CNTNAP5: variants seen among roughly 807,000 people sequenced by gnomAD.
CNTNAP5 encodes the protein contactin associated protein family member 5.
Under a neutral mutation model 150.2 loss-of-function variants are expected in CNTNAP5, and 72 were observed. The observed-to-expected ratio is 0.48, with a 90% CI of 0.40 to 0.58. The LOEUF (loss-of-function observed/expected upper bound fraction) is 0.58. CNTNAP5 is among the 20% of genes least tolerant of loss of function. CNTNAP5 has a pLI of 0.00. For missense variants in CNTNAP5, 1,636 were observed against 1,626.2 expected (o/e 1.01, Z -0.10); for synonymous variants, 672 against 619.8 (o/e 1.08, Z -1.25).
At chr2:124,372,583 T>A (rs1411782953) in intron 3 of CNTNAP5, among the ~76,000 whole-genome samples, 2 of 152,052 alleles carry the variant, frequency 1.3e-5, no homozygotes, top group African/African-American at 4.8e-5. Flanking sequence ...GACAACGAAG[T>A]GAATCAACCT....
At chr2:124,322,365 A>G (rs940710933) in intron 3 of CNTNAP5, among the ~76,000 whole-genome samples, 1 of 152,160 alleles carries the variant, frequency 6.6e-6, no homozygotes, top group African/African-American at 2.4e-5. Flanking sequence ...CAGCTCTGCC[A>G]GAAACCAGGC....
At chr2:124,522,756 C>G (rs1694877488) in intron 8 of CNTNAP5, among the ~76,000 whole-genome samples, 1 of 152,202 alleles carries the variant, frequency 6.6e-6, no homozygotes, top group Admixed American at 6.5e-5. Flanking sequence ...ATTGTCATCT[C>G]CTGCTTCTCA....
intron 8 of CNTNAP5, among the ~76,000 whole-genome samples, chr2:124,509,051 A>T (rs958272802): frequency 6.8e-6 from 1 of 146,306 alleles, no homozygotes; most frequent in Non-Finnish European, 1.6e-5. Context: ...GAATGCAGAT[A>T]ATCAAAGGTT....
chr2:124,660,971 A>G (rs931670065), intron 13 of CNTNAP5, among the ~76,000 whole-genome samples: 1 of 151,454 alleles, frequency 6.6e-6, no homozygotes, highest in African/African-American at 2.4e-5. Context: ...AAGAAAAAGA[A>G]AAAAAAATTT....
chr2:124,358,100 T>A (rs1690074257), intron 3 of CNTNAP5, among the ~76,000 whole-genome samples: 1 of 152,212 alleles, frequency 6.6e-6, no homozygotes, highest in African/African-American at 2.4e-5. Context: ...ATGGTTTGGC[T>A]CTCTGTCTGT....
At position 124,820,951 on chromosome 2, in the gene CNTNAP5, G is replaced by A. The variant is rs1682472871; in HGVS notation, c.3217+22631G>A. On this transcript the variant is annotated intron_variant, in intron 19 of 23. Transcript: ENST00000682447. ...TTCTATTTCTCAAGATAGAAGAAAA[G>A]AGTGAACAAACTTGTGGAAATATGC... Among the ~76,000 whole-genome samples the A allele has an allele frequency of 2.0e-5, 3 of 152,200 alleles. No homozygotes were observed. The South Asian group carries it at 6.2e-4, about 31-fold the overall frequency.
intron 10 of CNTNAP5, among the ~76,000 whole-genome samples, chr2:124,562,930 T>A (rs1695927981): frequency 6.6e-6 from 1 of 152,222 alleles, no homozygotes; most frequent in Non-Finnish European, 1.5e-5. Flanking sequence ...CACTTCAAAT[T>A]AACTTTAAGT....
Position 124,242,238 on chromosome 2 carries a change from C to T in CNTNAP5, c.226C>T (p.Gln76Ter). The T allele has an allele frequency of 1.2e-6, 2 of 1,600,744 alleles. No individual in the cohort carries two copies. Among genetic ancestry groups the T allele is most frequent in the Non-Finnish European group, 1.7e-6 (2 of 1,172,960 alleles). Residue 76 changes from glutamine to a stop codon, truncating the protein, a stop_gained, in exon 3 of 24, where the codon CAG (glutamine) becomes TAG (stop). Coordinates refer to ENST00000682447, the MANE Select transcript of CNTNAP5 (RefSeq NM_001367498.1). LOFTEE classifies it high-confidence loss of function. The stretch of plus-strand genomic sequence containing the variant: ...GTCCCCAGCAGATTCCAATGCTCAA[C>T]AGTGGCTCCAGATGGACCTGGGAAA... Reference protein sequence around the residue: ...GWSPADSNAQQWLQMDLGNRV... With the variant: ...GWSPADSNAQ
At chr2:124,582,178 C>T (rs974567314) in intron 11 of CNTNAP5, among the ~76,000 whole-genome samples, 1 of 152,024 alleles carries the variant, frequency 6.6e-6, no homozygotes, top group East Asian at 1.9e-4. Context: ...TTCTTTGGAT[C>T]GGAAGGCCTC....
intron 19 of CNTNAP5, among the ~76,000 whole-genome samples, chr2:124,821,717 C>T (rs1682495820): frequency 1.3e-5 from 2 of 152,158 alleles, no homozygotes; most frequent in Non-Finnish European, 2.9e-5. Context: ...ACAGTAGTAG[C>T]TCTCCAAGTG....
At chr2:124,423,984 A>T (rs933590135) in intron 4 of CNTNAP5, among the ~76,000 whole-genome samples, 1 of 152,188 alleles carries the variant, frequency 6.6e-6, no homozygotes, top group African/African-American at 2.4e-5. Context: ...ACTTTAAAAA[A>T]CATTATAAAT....
intron 11 of CNTNAP5, among the ~76,000 whole-genome samples, chr2:124,600,150 A>G (rs1264506599): frequency 6.6e-6 from 1 of 152,114 alleles, no homozygotes; most frequent in Non-Finnish European, 1.5e-5. Flanking sequence ...TGTGTGTTTA[A>G]CTTTGTTTCC....
chr2:124,317,205 G>A lies in CNTNAP5; in HGVS notation c.381+74812G>A, dbSNP rs549033389. On this transcript the variant is annotated intron_variant, in intron 3 of 23. Coordinates refer to ENST00000682447, the MANE Select transcript of CNTNAP5 (RefSeq NM_001367498.1). Reference sequence around the variant, plus strand: ...AGACTTACCTTTAGATTAAGTTCAGGTCAGATTTGACAACCCAATGAATTA... The same window carrying A: ...AGACTTACCTTTAGATTAAGTTCAGATCAGATTTGACAACCCAATGAATTA... Among the ~76,000 whole-genome samples, 12 of 152,148 alleles carry A rather than the reference G, an allele frequency of 7.9e-5. No individual in the cohort carries two copies. The South Asian group carries it at 2.3e-3, about 29-fold the overall frequency.
At chr2:124,305,311 C>T (rs1688661545) in intron 3 of CNTNAP5, among the ~76,000 whole-genome samples, 1 of 151,566 alleles carries the variant, frequency 6.6e-6, no homozygotes, top group Non-Finnish European at 1.5e-5. Flanking sequence ...GCAAATGGCA[C>T]CTAACCAGAA....
At chr2:124,618,553 T>C (rs944008351) in intron 12 of CNTNAP5, among the ~76,000 whole-genome samples, 3 of 152,296 alleles carry the variant, frequency 2.0e-5, no homozygotes, top group South Asian at 4.1e-4. Flanking sequence ...GTGACCACTT[T>C]GACCTCAGTC....
intron 1 of CNTNAP5, among the ~76,000 whole-genome samples, chr2:124,059,577 C>T (rs553800611): frequency 4.6e-5 from 7 of 152,008 alleles, no homozygotes; most frequent in African/African-American, 1.7e-4. Context: ...TTGTCATACA[C>T]GGCACATATT....
chr2:124,072,667 G>T (rs1484084142), intron 1 of CNTNAP5, among the ~76,000 whole-genome samples: 1 of 151,480 alleles, frequency 6.6e-6, no homozygotes, highest in East Asian at 1.9e-4. Context: ...ACCAGAAAAT[G>T]AAAAATCTCT....
chr2:124,892,893 TGAA>T (rs1678228109), intron 21 of CNTNAP5, among the ~76,000 whole-genome samples: 1 of 152,104 alleles, frequency 6.6e-6, no homozygotes, highest in Non-Finnish European at 1.5e-5. Context: ...TATGCTGTCT[TGAA>T]GAAGAGCACA....
intron 1 of CNTNAP5, among the ~76,000 whole-genome samples, chr2:124,175,103 C>CA (rs1020671919): frequency 7.9e-5 from 12 of 152,008 alleles, no homozygotes; most frequent in Non-Finnish European, 1.6e-4. Context: ...ACTAGGAAAC[C>CA]AAAAAATGTG....
Sources: gnomAD v4.1 joint callset for allele counts (sites outside exome capture counted in the v4.1 genomes callset) on GRCh38, gnomAD v4.1.1 for gene constraint, MANE v1.5 for transcripts, NCBI Gene and HGNC (gene_info 2026-07-23, HGNC 2026-07-21) for gene names.